The following LILRB5 variants were observed in gnomAD, a reference collection of about 807,000 sequenced individuals.
LILRB5 encodes the protein leukocyte immunoglobulin-like receptor subfamily B member 5.
A neutral mutation model predicts 68.4 loss-of-function variants in LILRB5; 61 were observed. The ratio of observed to expected loss-of-function variants is 0.89; its 90% CI spans 0.73 to 1.10. The LOEUF is 1.10. LILRB5 is among the 50% of genes least tolerant of loss of function. The probability of loss-of-function intolerance (pLI) is 0.00; values close to 1 mark genes in which losing one functional copy is unlikely to be tolerated. For synonymous variants in LILRB5, 356 were observed against 315.8 expected (o/e 1.13, Z -1.35); for missense variants, 771 against 751.6 (o/e 1.03, Z -0.30).
rs1038822131 is a variant in LILRB5, at chr19:54,254,050, G to C, written c.1325C>G (p.Pro442Arg). ...GGGATCCAACCCCGTGGGGGTGAGG[G>C]GCTGGTCCTCAGGGCCTGCTGGGTC... ...TPTPAGPEDQ[P>R]LTPTGLDPQS... The change falls in exon 8 of 13, where the codon CCC (proline) becomes CGC (arginine). Residue 442 changes from proline (P) to arginine (R), a missense_variant. By Grantham distance (103) the Pro-to-Arg change is moderately radical. Coordinates refer to ENST00000449561, the MANE Select transcript of LILRB5 (RefSeq NM_001081442.3). 6.3e-7 allele frequency: 1 copy of C among 1,598,726 alleles called. No homozygotes were observed. The highest frequency in any genetic ancestry group is 2.3e-5 in the East Asian group (1 of 44,406).
chr19:54,257,027 C>T (rs755614064), intron 1 of LILRB5, 31 bp from the exon 2 acceptor site: 18 of 1,614,074 alleles, frequency 1.1e-5, no homozygotes, highest in Non-Finnish European at 1.4e-5. Context: ...AGGGATTTGC[C>T]CCTGGAAGCC....
rs767873117 is a variant in LILRB5, at chr19:54,250,843, G to C, written c.1719C>G (p.Ser573=). Residue 573 remains serine, a synonymous_variant, in exon 13 of 13, where the codon TCC becomes TCG. Coordinates refer to ENST00000449561, the MANE Select transcript of LILRB5 (RefSeq NM_001081442.3). The part of the protein sequence containing the change: ...LRREATEPPP[S]QEREPPAEPS... The stretch of plus-strand genomic sequence containing the variant: ...GTTCAGCTGGAGGTTCCCTTTCCTG[G>C]GATGGAGGAGGCTCAGTTGCCTCCC... 1.2e-6 allele frequency: 2 copies of C among 1,614,054 alleles called. No homozygotes were observed. Among genetic ancestry groups the C allele is most frequent in the Non-Finnish European group, 1.7e-6 (2 of 1,179,994 alleles).
intron 4 of LILRB5, 22 bp from the exon 5 acceptor site, chr19:54,255,604 G>A (rs2079113837): frequency 6.2e-7 from 1 of 1,605,144 alleles, no homozygotes; most frequent in African/African-American, 1.3e-5. Flanking sequence ...GAGGAATTGG[G>A]ACTTGGAAGG....
intron 3 of LILRB5, 50 bp downstream of exon 3, chr19:54,256,428 AAGAGCCGACCC>A (rs2079145379): frequency 1.3e-6 from 2 of 1,598,956 alleles, no homozygotes; most frequent in Non-Finnish European, 1.7e-6. Flanking sequence ...AGACGTCCCT[AAGAGCCGACCC>A]TCTTCCTGAG....
intron 4 of LILRB5, 102 bp from the exon 5 acceptor site, chr19:54,255,684 C>A: frequency 1.5e-6 from 2 of 1,337,506 alleles, no homozygotes; most frequent in Non-Finnish European, 1.0e-6. Flanking sequence ...CTGTCTCTCA[C>A]GCTCTGTGTC....
At position 54,256,532 on chromosome 19, in the gene LILRB5, T is replaced by G; in HGVS notation, c.312A>C (p.Ala104=). The change falls in exon 3 of 13, where the codon GCA becomes GCC. Residue 104 remains alanine, a synonymous_variant. Transcript: ENST00000449561. ...GRYRCYYETP[A]GWSEPSDPLE... The stretch of plus-strand genomic sequence containing the variant: ...GGGGGTCACTGGGCTCTGACCAGCC[T>G]GCAGGGGTCTCATAGTAGCAGCGGT... 1 of 1,614,154 alleles carries G rather than the reference T, an allele frequency of 6.2e-7. No homozygotes were observed. The highest frequency in any genetic ancestry group is 8.5e-7 in the Non-Finnish European group (1 of 1,179,994).
Position 54,256,078 on chromosome 19 carries a change from G to A in LILRB5, c.620C>T (p.Ser207Leu), listed in dbSNP as rs751926134. The stretch of plus-strand genomic sequence containing the variant: ...AATCTCCAGGAGGTCACTGGGGTTC[G>A]ACCACACCTGAGGGTTTTTCCTGTA... The part of the protein sequence containing the change: ...YYYRKNPQVW[S>L]NPSDLLEILV... Residue 207 changes from serine (S) to leucine (L), a missense_variant, in exon 4 of 13, where the codon TCG (serine) becomes TTG (leucine). Coordinates refer to ENST00000449561, the MANE Select transcript of LILRB5 (RefSeq NM_001081442.3). 8.9e-6 allele frequency: 14 copies of A among 1,569,018 alleles called. 1 individual carries two copies. Among genetic ancestry groups the A allele is most frequent in the South Asian group, 5.9e-5 (5 of 85,068 alleles).
At chr19:54,255,723 G>A in intron 4 of LILRB5, 141 bp from the exon 5 acceptor site, 1 of 1,068,054 alleles carries the variant, frequency 9.4e-7, no homozygotes, top group Non-Finnish European at 1.3e-6. Flanking sequence ...TTCTCACCTG[G>A]GTCTGTCTTG....
In LILRB5 at chr19:54,255,582, C is replaced by T. The variant is rs778406949; in HGVS notation, c.656G>A (p.Gly219Asp). 3 of 1,611,870 alleles carry T rather than the reference C, an allele frequency of 1.9e-6. No homozygotes were observed. Among genetic ancestry groups the T allele is most frequent in the East Asian group, 4.5e-5 (2 of 44,842 alleles). The change falls in exon 5 of 13, where the codon GGC becomes GAC. Residue 219 changes from glycine to aspartate, a missense_variant and splice_region_variant. Transcript: ENST00000449561. ...PSDLLEILVP[G>D]VSRKPSLLIP... ...CAGGAGGGAGGGCTTCCTAGACACGCCTGGAGGGAAAGAGGAATTGGGACT... is the reference window on the plus strand; with the variant it reads ...CAGGAGGGAGGGCTTCCTAGACACGTCTGGAGGGAAAGAGGAATTGGGACT...
At position 54,255,520 on chromosome 19, in the gene LILRB5, G is replaced by A; in HGVS notation, c.718C>T (p.Leu240=). Residue 240 remains leucine (L), a synonymous_variant, in exon 5 of 13, where the codon CTG becomes TTG. Transcript: ENST00000449561. The stretch of plus-strand genomic sequence containing the variant: ...ACATCAGAGCGACACTGCAGGGTCA[G>A]GCTGCCTCCGCGGGCCACGACAGAG... ...QGSVVARGGS[L]TLQCRSDVGY... is the part of the protein sequence containing the mutation. 1 of 1,614,032 alleles carries A rather than the reference G, an allele frequency of 6.2e-7. No homozygotes were observed. Among genetic ancestry groups the A allele is most frequent in the East Asian group, 2.2e-5 (1 of 44,878 alleles).
intron 12 of LILRB5, 148 bp from the exon 13 acceptor site, chr19:54,251,080 G>A (rs1332778289): frequency 6.8e-7 from 1 of 1,479,380 alleles, no homozygotes; most frequent in Non-Finnish European, 9.4e-7. Context: ...CAGACAGTGG[G>A]GAAGGAGGAG....
chr19:54,255,504 C>A lies in LILRB5; in HGVS notation c.734G>T (p.Arg245Leu). ...GAATATGTCATAGCCGACATCAGAG[C>A]GACACTGCAGGGTCAGGCTGCCTCC... ...ARGGSLTLQC[R>L]SDVGYDIFVL... The change falls in exon 5 of 13, where the codon CGC becomes CTC. Residue 245 changes from arginine to leucine, a missense_variant. Arg to Leu is a moderately radical substitution (Grantham distance 102). Transcript: ENST00000449561. 2.5e-6 allele frequency: 4 copies of A among 1,613,948 alleles called. No homozygotes were observed. In the South Asian group the frequency reaches 3.3e-5, roughly 13 times the overall value.
intron 8 of LILRB5, chr19:54,253,732 T>C: frequency 8.8e-7 from 1 of 1,135,414 alleles, no homozygotes; most frequent in African/African-American, 1.5e-5. Context: ...TCTCTGCACC[T>C]GAGCGGAGCC....
Position 54,255,283 on chromosome 19 carries a change from C to T in LILRB5, c.952+3G>A. ...CCCTGACTGAACCCGCTGGGCTCCTCACCTGCGATCAGGATGTCCAGGGGG... is the reference window on the plus strand; with the variant it reads ...CCCTGACTGAACCCGCTGGGCTCCTTACCTGCGATCAGGATGTCCAGGGGG... On this transcript the variant is annotated splice_donor_region_variant and intron_variant, in intron 5 of 12. Coordinates refer to ENST00000449561, the MANE Select transcript of LILRB5 (RefSeq NM_001081442.3). 6.2e-7 allele frequency: 1 copy of T among 1,612,700 alleles called. No homozygotes were observed. Among genetic ancestry groups the T allele is most frequent in the African/African-American group, 1.3e-5 (1 of 75,026 alleles).
At chr19:54,251,886 G>C (rs2147609590) in intron 12 of LILRB5, 168 bp downstream of exon 12, 1 of 824,968 alleles carries the variant, frequency 1.2e-6, no homozygotes, top group Middle Eastern at 3.4e-4. Context: ...CGAGGTCCCA[G>C]GACAGCAGAA....
chr19:54,250,654 G>A lies in LILRB5; in HGVS notation c.*132C>T. ...AATCTAGTGAGTCCCAGAGTTCCCA[G>A]GATGTCCTGGTGGTCTTTGTTAGGG... On this transcript the variant is annotated 3_prime_UTR_variant, in exon 13 of 13. Coordinates refer to ENST00000449561, the MANE Select transcript of LILRB5 (RefSeq NM_001081442.3). The A allele has an allele frequency of 8.8e-7, 1 of 1,140,938 alleles. No homozygotes were observed. The highest frequency in any genetic ancestry group is 1.3e-6 in the Non-Finnish European group (1 of 799,698). 70.7% of individuals were successfully genotyped at this position (1,140,938 alleles called of 1,614,324 possible).
At position 54,256,713 on chromosome 19, in the gene LILRB5, G is replaced by A. The variant is rs1327157033; in HGVS notation, c.131C>T (p.Pro44Leu). ...EPASVIARGK[P>L]VTLWCQGPLE... ...GGGCCCCTGACACCAGAGGGTCACG[G>A]GCTTCCCCCGAGCTATCACAGAGGC... Residue 44 changes from proline (P) to leucine (L), a missense_variant, in exon 3 of 13, where the codon CCC (proline) becomes CTC (leucine). Coordinates refer to ENST00000449561, the MANE Select transcript of LILRB5 (RefSeq NM_001081442.3). The A allele has an allele frequency of 8.7e-6, 14 of 1,614,118 alleles. No homozygotes were observed. The highest frequency in any genetic ancestry group is 1.1e-5 in the Non-Finnish European group (13 of 1,180,008).
In LILRB5 at chr19:54,252,447, G is replaced by A. The variant is rs199699947; in HGVS notation, c.1538+39C>T. On this transcript the variant is annotated intron_variant, in intron 10 of 12. Coordinates refer to ENST00000449561, the MANE Select transcript of LILRB5 (RefSeq NM_001081442.3). ...GTGTGAGGGGCAGTGAGGGGGCTGT[G>A]CGGGTGGATGGGAGTCTTGGGTCTT... is the stretch of plus-strand genomic sequence containing the variant. The A allele has an allele frequency of 2.5e-5, 41 of 1,614,086 alleles. No homozygotes were observed. The African/African-American group carries it at 4.1e-4, about 16-fold the overall frequency.
Position 54,254,724 on chromosome 19 carries a change from A to AG in LILRB5, c.1255+10dup, listed in dbSNP as rs901924091. 3 of 1,613,218 alleles carry AG rather than the reference A, an allele frequency of 1.9e-6. No individual in the cohort carries two copies. The African/African-American group carries it at 4.0e-5, about 22-fold the overall frequency. On this transcript the variant is annotated intron_variant, in intron 6 of 12. Coordinates refer to ENST00000449561, the MANE Select transcript of LILRB5 (RefSeq NM_001081442.3). ...CTTTGAGCTTGGACAGGACAGGGTC[A>AG]GGGCCCTCACCTGAGACCACGAGCT... is the stretch of plus-strand genomic sequence containing the variant.
Sources: allele counts gnomAD v4.1 joint callset, GRCh38; gene constraint gnomAD v4.1.1; transcripts MANE v1.5; gene names NCBI Gene and HGNC (gene_info 2026-07-23, HGNC 2026-07-21).